WWOX: variants seen among roughly 807,000 people sequenced by gnomAD.
WWOX encodes WW domain containing oxidoreductase.
A neutral mutation model predicts 46.2 loss-of-function variants in WWOX; 69 were observed. That is an observed-to-expected ratio of 1.49 (90% CI 1.23 to 1.82). The LOEUF (loss-of-function observed/expected upper bound fraction) is 1.82, where lower values mean the gene tolerates loss of function less well. Ranked by LOEUF, WWOX falls within the 40% of genes most tolerant of loss-of-function variation. WWOX has a pLI of 0.00. For missense variants in WWOX, 919 were observed against 542.6 expected (o/e 1.69, Z -6.89); for synonymous variants, 359 against 202.6 (o/e 1.77, Z -6.56).
intron 8 of WWOX, among the ~76,000 whole-genome samples, chr16:79,146,145 T>C (rs1299493100): frequency 6.6e-6 from 1 of 152,230 alleles, no homozygotes; most frequent in Admixed American, 6.5e-5. Flanking sequence ...GAAGGAAGTG[T>C]ATGATATGAA....
intron 5 of WWOX, among the ~76,000 whole-genome samples, chr16:78,370,086 C>A (rs977958348): frequency 6.0e-5 from 8 of 132,646 alleles, no homozygotes; most frequent in Admixed American, 2.8e-4. Context: ...CAGCCAAGAT[C>A]ACACCACTGC....
At chr16:78,858,868 G>C (rs990656851) in intron 8 of WWOX, among the ~76,000 whole-genome samples, 3 of 150,600 alleles carry the variant, frequency 2.0e-5, no homozygotes, top group Non-Finnish European at 4.4e-5. Context: ...TTTTGTAGTT[G>C]GGGTCTCACC....
At chr16:78,207,359 T>C (rs1347900612) in intron 5 of WWOX, among the ~76,000 whole-genome samples, 6 of 152,322 alleles carry the variant, frequency 3.9e-5, no homozygotes, top group Admixed American at 1.3e-4. Context: ...TTGATTCAAG[T>C]GTATACATAA....
At chr16:78,395,956 C>G (rs2082275925) in intron 6 of WWOX, among the ~76,000 whole-genome samples, 1 of 152,140 alleles carries the variant, frequency 6.6e-6, no homozygotes, top group African/African-American at 2.4e-5. Context: ...GCAGCCTGCT[C>G]TGGATAAGTG....
chr16:78,178,009 A>G (rs1005145988), intron 5 of WWOX, among the ~76,000 whole-genome samples: 13 of 152,230 alleles, frequency 8.5e-5, no homozygotes, highest in African/African-American at 3.1e-4. Context: ...AGCATTCCTC[A>G]CTTGTAGAAA....
chr16:78,765,163 A>G (rs887762261), intron 8 of WWOX, among the ~76,000 whole-genome samples: 3 of 152,214 alleles, frequency 2.0e-5, no homozygotes, highest in African/African-American at 4.8e-5. Context: ...CAGTGGCCCC[A>G]CAGTGTGGGG....
At chr16:78,928,202 TC>T (rs1190422497) in intron 8 of WWOX, among the ~76,000 whole-genome samples, 2 of 144,888 alleles carry the variant, frequency 1.4e-5, no homozygotes, top group Admixed American at 6.7e-5. Context: ...CTACCACTTT[TC>T]TTTTTTTTTT....
At chr16:78,495,922 T>C (rs2084907933) in intron 8 of WWOX, 1 of 152,366 alleles carries the variant, frequency 6.6e-6, no homozygotes, top group African/African-American at 2.4e-5. Flanking sequence ...TAAAAATTAA[T>C]AAACACATTT....
rs548583974 is a variant in WWOX, at chr16:79,193,542, C to G, written c.1057-18066C>G. 5.9e-5 allele frequency among the ~76,000 whole-genome samples: 9 copies of G among 152,276 alleles called. No homozygotes were observed. The South Asian group carries it at 1.9e-3, about 32-fold the overall frequency. ...CCTCAGAGTATGAAAGTGCTGCTTA[C>G]CCAGCAGATGAGATTTAGTCCAGTC... On this transcript the variant is annotated intron_variant, in intron 8 of 8. Coordinates refer to ENST00000566780, the MANE Select transcript of WWOX (RefSeq NM_016373.4).
intron 8 of WWOX, among the ~76,000 whole-genome samples, chr16:78,744,027 A>G (rs922871548): frequency 6.6e-6 from 1 of 152,230 alleles, no homozygotes; most frequent in Middle Eastern, 3.4e-3. Flanking sequence ...CCAATTCTTT[A>G]TTCAAAACGC....
Position 78,597,319 on chromosome 16 carries a change from G to A in WWOX, c.1056+164567G>A, listed in dbSNP as rs1020799713. Among the ~76,000 whole-genome samples the A allele has an allele frequency of 3.3e-5, 5 of 152,118 alleles. No individual in the cohort carries two copies. The East Asian group carries it at 7.7e-4, about 23-fold the overall frequency. On this transcript the variant is annotated intron_variant, in intron 8 of 8. Coordinates refer to ENST00000566780, the MANE Select transcript of WWOX (RefSeq NM_016373.4). Reference sequence around the variant, plus strand: ...CGGATACTATTAGCACCTACTGTGTGCCGGGCACTGTACTTGGGGCCATAT... The same window carrying A: ...CGGATACTATTAGCACCTACTGTGTACCGGGCACTGTACTTGGGGCCATAT...
chr16:78,781,718 T>G (rs1035107057), intron 8 of WWOX, among the ~76,000 whole-genome samples: 16 of 152,068 alleles, frequency 1.1e-4, no homozygotes, highest in African/African-American at 3.9e-4. Context: ...GAGGATGCAG[T>G]GAGCTGAGAT....
chr16:78,732,908 GA>G (rs1405390673), intron 8 of WWOX, among the ~76,000 whole-genome samples: 1 of 152,200 alleles, frequency 6.6e-6, no homozygotes, highest in Admixed American at 6.5e-5. Context: ...TGTTTCGCAA[GA>G]GTAAAGAAGT....
At chr16:78,610,508 T>C (rs2045875760) in intron 8 of WWOX, among the ~76,000 whole-genome samples, 1 of 152,152 alleles carries the variant, frequency 6.6e-6, no homozygotes, top group African/African-American at 2.4e-5. Flanking sequence ...AGCTATAGTG[T>C]TGGGGTGGGA....
At chr16:78,753,274 T>A (rs1485072979) in intron 8 of WWOX, among the ~76,000 whole-genome samples, 1 of 151,760 alleles carries the variant, frequency 6.6e-6, no homozygotes, top group Non-Finnish European at 1.5e-5. Flanking sequence ...CCCTCCAGCC[T>A]GGGCGACAGA....
At chr16:79,053,485 G>A (rs1039172803) in intron 8 of WWOX, among the ~76,000 whole-genome samples, 1 of 152,144 alleles carries the variant, frequency 6.6e-6, no homozygotes, top group Non-Finnish European at 1.5e-5. Context: ...TTTATAATTT[G>A]CACAGTAAGG....
intron 8 of WWOX, among the ~76,000 whole-genome samples, chr16:78,532,540 T>G (rs1015300773): frequency 2.6e-5 from 4 of 152,150 alleles, no homozygotes; most frequent in Admixed American, 1.3e-4. Context: ...TGAGAAGAGT[T>G]TAACAAAAGA....
intron 5 of WWOX, among the ~76,000 whole-genome samples, chr16:78,255,309 A>C (rs1192849057): frequency 6.6e-6 from 1 of 152,234 alleles, no homozygotes; most frequent in African/African-American, 2.4e-5. Context: ...AAGAACAGCT[A>C]CCTTTTAGAA....
chr16:79,033,832 G>T (rs568787279), intron 8 of WWOX, among the ~76,000 whole-genome samples: 38 of 152,316 alleles, frequency 2.5e-4, no homozygotes, highest in African/African-American at 9.1e-4. Context: ...GTGTTCTTTT[G>T]TGGCTGACTT....
Sources: allele counts gnomAD v4.1 joint callset (sites outside exome capture counted in the v4.1 genomes callset), GRCh38; gene constraint gnomAD v4.1.1; transcripts MANE v1.5; gene names NCBI Gene and HGNC (gene_info 2026-07-23, HGNC 2026-07-21).